The following GRIK3 variants were observed in gnomAD, a reference collection of about 807,000 sequenced individuals.
GRIK3 encodes the protein glutamate ionotropic receptor kainate type subunit 3.
Under a neutral mutation model 102.5 loss-of-function variants are expected in GRIK3, and 29 were observed. The observed-to-expected ratio is 0.28, with a 90% CI of 0.21 to 0.39. The LOEUF (loss-of-function observed/expected upper bound fraction) is 0.39, where lower values mean the gene tolerates loss of function less well. Among genes scored for constraint, GRIK3 ranks in the 10% least tolerant of loss-of-function variants. The pLI, the probability that GRIK3 is intolerant of heterozygous loss-of-function variation, is 1.00. For missense variants in GRIK3, 908 were observed against 1,252.4 expected, an observed-to-expected ratio of 0.73 and a Z score of 4.15; for synonymous variants, 511 against 504.9, an observed-to-expected ratio of 1.01 and a Z score of -0.16.
At position 36,872,997 on chromosome 1, in the gene GRIK3, T is replaced by C. The variant is rs1640860343; in HGVS notation, c.551-628A>G. 6.6e-6 allele frequency among the ~76,000 whole-genome samples: 1 copy of C among 152,184 alleles called. No homozygotes were observed. ...AAGGGCAGTCTGCCTTGGTAAACCT[T>C]ACCCACTTTTTCAGGTTTAGTGCAA... is the stretch of plus-strand genomic sequence containing the variant. On this transcript the variant is annotated intron_variant, in intron 3 of 15. Coordinates refer to ENST00000373091, the MANE Select transcript of GRIK3 (RefSeq NM_000831.4). This position sits in a 1 kb window ranked among gnomAD's most constrained non-coding sequence, Gnocchi z 5.9.
chr1:36,911,802 A>G (rs490223), intron 1 of GRIK3, among the ~76,000 whole-genome samples: 152,173 of 152,176 alleles, frequency 1, 76,085 homozygotes, highest in Non-Finnish European at 1. Context: ...CTGAGCGGGG[A>G]GCTGTGGAGG....
intron 1 of GRIK3, among the ~76,000 whole-genome samples, chr1:36,968,220 C>CGTGTGTGTGT (rs66480824): frequency 7.1e-6 from 1 of 141,064 alleles, no homozygotes; most frequent in Non-Finnish European, 1.6e-5. Context: ...TCTCTCTCTC[C>CGTGTGTGTGT]GTGTGTGTGT....
At chr1:36,939,158 C>T (rs1012587740) in intron 1 of GRIK3, among the ~76,000 whole-genome samples, 5 of 152,192 alleles carry the variant, frequency 3.3e-5, no homozygotes, top group African/African-American at 9.7e-5. Flanking sequence ...AGCCTAATAT[C>T]CTTCCACCAC....
intron 1 of GRIK3, among the ~76,000 whole-genome samples, chr1:36,946,725 C>T (rs1295309033): frequency 1.3e-5 from 2 of 152,152 alleles, no homozygotes; most frequent in Non-Finnish European, 2.9e-5. Context: ...GATGAGGGAT[C>T]GGAGGCAGAG....
chr1:36,857,042 A>G (rs1003486299), intron 7 of GRIK3, among the ~76,000 whole-genome samples: 1 of 152,176 alleles, frequency 6.6e-6, no homozygotes, highest in African/African-American at 2.4e-5. Flanking sequence ...CCTCAGAACA[A>G]CCTGATGATA....
chr1:37,001,361 A>G (rs560182695), intron 1 of GRIK3, among the ~76,000 whole-genome samples: 17 of 152,366 alleles, frequency 1.1e-4, no homozygotes, highest in African/African-American at 4.1e-4. Context: ...TAACAAGTTT[A>G]TATTCAATAA....
chr1:36,970,758 C>T (rs1160281551), intron 1 of GRIK3, among the ~76,000 whole-genome samples: 1 of 152,224 alleles, frequency 6.6e-6, no homozygotes, highest in African/African-American at 2.4e-5. Flanking sequence ...CTGCCATGCT[C>T]ACTGGGAAAT....
intron 1 of GRIK3, among the ~76,000 whole-genome samples, chr1:36,931,587 G>T (rs1242186662): frequency 6.6e-6 from 1 of 152,182 alleles, no homozygotes; most frequent in African/African-American, 2.4e-5. Context: ...TCTGTATTGA[G>T]CGCCCAGCAC....
chr1:36,923,060 G>A (rs1641491051), intron 1 of GRIK3, among the ~76,000 whole-genome samples: 1 of 152,140 alleles, frequency 6.6e-6, no homozygotes, highest in South Asian at 2.1e-4. Context: ...GGGAAGCCGA[G>A]GGCTCTGAGT....
In GRIK3 at chr1:36,806,580, T is replaced by G. The variant is rs1168895718; in HGVS notation, c.2092-254A>C. 6.6e-6 allele frequency among the ~76,000 whole-genome samples: 1 copy of G among 152,262 alleles called. No homozygotes were observed. Among genetic ancestry groups the G allele is most frequent in the African/African-American group, 2.4e-5 (1 of 41,556 alleles). Reference sequence around the variant, plus strand: ...CTGGAAACCCTGGCCATGGCACAAGTGGTCTTCAAGCTGACTTTTTAAACA... The same window carrying G: ...CTGGAAACCCTGGCCATGGCACAAGGGGTCTTCAAGCTGACTTTTTAAACA... On this transcript the variant is annotated intron_variant, in intron 13 of 15. Transcript: ENST00000373091. The surrounding 1 kb of genome is among the most constrained non-coding windows in gnomAD (Gnocchi z 4.0).
rs1642798433 is a variant in GRIK3 at position 36,830,006 on chromosome 1, G to T, written c.1531-4180C>A. Among the ~76,000 whole-genome samples the T allele has an allele frequency of 3.3e-5, 5 of 152,214 alleles. 1 individual carries two copies. In the South Asian group the frequency reaches 1.0e-3, roughly 32 times the overall value. On this transcript the variant is annotated intron_variant, in intron 10 of 15. Transcript: ENST00000373091. Reference sequence around the variant, plus strand: ...TCTGGCCTCTGACTCCCAGCTTGCTGCCTGTGTCTGGTGTCCCTGCTGGAA... The same window carrying T: ...TCTGGCCTCTGACTCCCAGCTTGCTTCCTGTGTCTGGTGTCCCTGCTGGAA...
chr1:37,007,405 G>C (rs1358059825), intron 1 of GRIK3, among the ~76,000 whole-genome samples: 1 of 152,212 alleles, frequency 6.6e-6, no homozygotes, highest in Admixed American at 6.5e-5. Context: ...AGTGGAAGAA[G>C]AGGGAAGAGT....
intron 1 of GRIK3, among the ~76,000 whole-genome samples, chr1:36,972,964 T>C (rs1642159886): frequency 6.6e-6 from 1 of 152,158 alleles, no homozygotes; most frequent in Non-Finnish European, 1.5e-5. Context: ...GTTCTGAGCT[T>C]GTACTAGGTG....
At chr1:36,923,732 C>A (rs1641497900) in intron 1 of GRIK3, among the ~76,000 whole-genome samples, 1 of 152,162 alleles carries the variant, frequency 6.6e-6, no homozygotes, top group South Asian at 2.1e-4. Context: ...TTACCCTGTC[C>A]TTATTCTCAT....
At chr1:36,957,088 GACAA>G (rs1203515433) in intron 1 of GRIK3, among the ~76,000 whole-genome samples, 3 of 152,260 alleles carry the variant, frequency 2.0e-5, no homozygotes, top group Admixed American at 6.5e-5. Context: ...CGGAGGCTCT[GACAA>G]ACAGCCTCCA....
At chr1:36,853,584 C>T (rs370680248) in intron 8 of GRIK3, 31 bp downstream of exon 8, 60 of 1,419,132 alleles carry the variant, frequency 4.2e-5, no homozygotes, top group African/African-American at 7.0e-5. Context: ...CCTGCTCCTC[C>T]GCCTGCCCTC....
At chr1:36,968,998 C>T (rs1274353015) in intron 1 of GRIK3, among the ~76,000 whole-genome samples, 3 of 152,206 alleles carry the variant, frequency 2.0e-5, no homozygotes, top group Non-Finnish European at 4.4e-5. Flanking sequence ...TCCCTACTCT[C>T]TCTACTCCCA....
rs180765917 is a variant in GRIK3 at position 36,880,748 on chromosome 1, C to T, written c.436G>A (p.Asp146Asn). 1.2e-6 allele frequency: 2 copies of T among 1,614,166 alleles called. No homozygotes were observed. The highest frequency in any genetic ancestry group is 2.2e-5 in the East Asian group (1 of 44,880). Residue 146 changes from aspartate to asparagine, a missense_variant, in exon 3 of 16, where the codon GAC becomes AAC. Around this residue, in one of 3 missense-constraint regions of GRIK3, gnomAD observed 585 missense variants for 824.9 expected, o/e 0.71. Transcript: ENST00000373091. The surrounding 1 kb of genome is among the most constrained non-coding windows in gnomAD (Gnocchi z 5.4). ...GGGTAGAGGTTCACGTAGAAGGTGT[C>T]CTTGTTGTCCAGCGGGTGGTGCTTC... Reference protein sequence around the residue: ...RWKHHPLDNKDTFYVNLYPDY... With the variant: ...RWKHHPLDNKNTFYVNLYPDY...
chr1:36,885,725 C>T (rs912792823), intron 2 of GRIK3, among the ~76,000 whole-genome samples: 5 of 151,078 alleles, frequency 3.3e-5, no homozygotes, highest in Admixed American at 6.6e-5. Flanking sequence ...GCAGGGCTTA[C>T]AGCAGCAGCA....
Sources: allele counts gnomAD v4.1 joint callset (sites outside exome capture counted in the v4.1 genomes callset), GRCh38; gene constraint gnomAD v4.1.1; regional missense constraint gnomAD v4.1.1; non-coding constraint Gnocchi (gnomAD v3.1); transcripts MANE v1.5; gene names NCBI Gene and HGNC (gene_info 2026-07-23, HGNC 2026-07-21).